Variants in CDC42BPA observed in about 807,000 individuals in gnomAD.
The protein encoded by CDC42BPA is serine/threonine-protein kinase MRCK alpha.
A neutral mutation model predicts 223.5 loss-of-function variants in CDC42BPA; 80 were observed. The ratio of observed to expected loss-of-function variants is 0.36; its 90% CI spans 0.30 to 0.43. The LOEUF (loss-of-function observed/expected upper bound fraction) is 0.43. Among genes scored for constraint, CDC42BPA ranks in the 20% least tolerant of loss-of-function variants. The probability of loss-of-function intolerance (pLI) is 1.00; values close to 1 mark genes in which losing one functional copy is unlikely to be tolerated. For synonymous variants in CDC42BPA, 694 were observed against 718.6 expected (o/e 0.97, Z 0.55); for missense variants, 1,743 against 2,099.9 (o/e 0.83, Z 3.32).
At chr1:227,307,123 T>C (rs1692692193) in intron 1 of CDC42BPA, among the ~76,000 whole-genome samples, 2 of 152,218 alleles carry the variant, frequency 1.3e-5, no homozygotes, top group Admixed American at 1.3e-4. Flanking sequence ...ATCACTAGCT[T>C]AGCAGGTGCA....
intron 1 of CDC42BPA, among the ~76,000 whole-genome samples, chr1:227,315,877 ATAAT>A (rs1465770107): frequency 2.0e-5 from 3 of 151,662 alleles, no homozygotes; most frequent in African/African-American, 7.3e-5. Context: ...GGCAAATTGA[ATAAT>A]TAAAGTTATT....
intron 5 of CDC42BPA, among the ~76,000 whole-genome samples, chr1:227,164,998 AC>A (rs934999286): frequency 1.7e-4 from 26 of 152,186 alleles, no homozygotes; most frequent in African/African-American, 6.3e-4. Flanking sequence ...TAAGAATGTA[AC>A]AACTGACAAA....
intron 2 of CDC42BPA, among the ~76,000 whole-genome samples, chr1:227,240,979 C>G (rs1009551517): frequency 6.6e-6 from 1 of 152,070 alleles, no homozygotes; most frequent in East Asian, 1.9e-4. Flanking sequence ...GCTAAAACAT[C>G]TGACAAAGAA....
intron 22 of CDC42BPA, among the ~76,000 whole-genome samples, chr1:227,050,354 C>T (rs1673304374): frequency 6.6e-6 from 1 of 152,140 alleles, no homozygotes; most frequent in Admixed American, 6.6e-5. Flanking sequence ...CTCACACACA[C>T]TGCTGGGGGA....
At chr1:227,134,026 A>G (rs1273338213) in intron 10 of CDC42BPA, among the ~76,000 whole-genome samples, 2 of 152,172 alleles carry the variant, frequency 1.3e-5, no homozygotes, top group African/African-American at 2.4e-5. Context: ...ACACTTTGTC[A>G]TTATCAATAA....
intron 34 of CDC42BPA, among the ~76,000 whole-genome samples, chr1:227,011,956 C>T (rs1343136770): frequency 2.0e-5 from 3 of 152,080 alleles, no homozygotes; most frequent in Non-Finnish European, 2.9e-5. Flanking sequence ...ATGGAATTCA[C>T]GTTCCCATGA....
rs1667709350 is a variant in CDC42BPA at position 227,023,245 on chromosome 1, A to C, written c.4615+18T>G. On this transcript the variant is annotated intron_variant, in intron 32 of 36. Transcript: ENST00000366766. ...ATTTCCAATGAAGCTATCCCTATGA[A>C]TATATGTATTTTCTTACCTGCCATC... The C allele has an allele frequency of 9.0e-7, 1 of 1,114,768 alleles. No individual in the cohort carries two copies. The highest frequency in any genetic ancestry group is 1.3e-6 in the Non-Finnish European group (1 of 743,224). 69.1% of individuals were successfully genotyped at this position (1,114,768 alleles called of 1,614,324 possible).
At position 227,294,626 on chromosome 1, in the gene CDC42BPA, C is replaced by A. The variant is rs1265481717; in HGVS notation, c.178+22379G>T. On this transcript the variant is annotated intron_variant, in intron 1 of 36. Transcript: ENST00000366766. ...CTGTAATCCCAGCACTTTGGGAGGC[C>A]GAGGCGGGCGGATCACGAGGTCAGG... Among the ~76,000 whole-genome samples, 2 of 72,934 alleles carry A rather than the reference C, an allele frequency of 2.7e-5. 1 individual carries two copies. The highest frequency in any genetic ancestry group is 7.7e-4 in the South Asian group (2 of 2,604). The allele number at this position is 72,934 out of a possible 152,430, so 47.8% of individuals were successfully genotyped here.
In CDC42BPA at chr1:227,005,395, T is replaced by C. The variant is rs552296824; in HGVS notation, c.4858-284A>G. 6.6e-5 allele frequency among the ~76,000 whole-genome samples: 10 copies of C among 152,344 alleles called. No individual in the cohort carries two copies. In the East Asian group the frequency reaches 1.9e-3, roughly 29 times the overall value. On this transcript the variant is annotated intron_variant, in intron 34 of 36. Coordinates refer to ENST00000366766, the MANE Select transcript of CDC42BPA (RefSeq NM_001394014.1). ...TTGTAAACACAGTAAGTAAAAGCTA[T>C]ATGGTTAGATGTGACAGTGAATTGT...
At chr1:227,316,920 T>C in intron 1 of CDC42BPA, 85 bp downstream of exon 1, 1 of 953,242 alleles carries the variant, frequency 1.0e-6, no homozygotes, top group Admixed American at 2.6e-5. Flanking sequence ...TTGAACGGAG[T>C]AGAGTTTACT....
chr1:227,119,592 G>C (rs1435480996), intron 12 of CDC42BPA, among the ~76,000 whole-genome samples: 1 of 151,896 alleles, frequency 6.6e-6, no homozygotes, highest in Non-Finnish European at 1.5e-5. Flanking sequence ...AAGAACAAAA[G>C]ATTCTGAACT....
chr1:227,189,052 A>G (rs1237448358), intron 5 of CDC42BPA, among the ~76,000 whole-genome samples: 2 of 152,150 alleles, frequency 1.3e-5, no homozygotes, highest in Non-Finnish European at 2.9e-5. Flanking sequence ...TAAAAAGTAT[A>G]TATGAAAAGG....
chr1:227,131,999 C>T (rs1381967873), intron 10 of CDC42BPA, among the ~76,000 whole-genome samples: 1 of 152,168 alleles, frequency 6.6e-6, no homozygotes, highest in Non-Finnish European at 1.5e-5. Context: ...GAGACTGCTA[C>T]AAGCATTTAA....
chr1:227,144,034 T>A (rs140416441), intron 8 of CDC42BPA, among the ~76,000 whole-genome samples: 96 of 152,346 alleles, frequency 6.3e-4, no homozygotes, highest in African/African-American at 2.2e-3. Context: ...GAAATTTTTA[T>A]CTGCCTTGAA....
chr1:227,012,900 T>C (rs1036070552), intron 34 of CDC42BPA, among the ~76,000 whole-genome samples: 4 of 152,152 alleles, frequency 2.6e-5, no homozygotes. Context: ...GAGATAAAGA[T>C]GGTTCCGGGC....
chr1:227,200,142 T>G (rs1418504431), intron 3 of CDC42BPA, among the ~76,000 whole-genome samples: 1 of 151,630 alleles, frequency 6.6e-6, no homozygotes, highest in Non-Finnish European at 1.5e-5. Context: ...TTTTGAAAAT[T>G]TTCATGGGCC....
intron 1 of CDC42BPA, among the ~76,000 whole-genome samples, chr1:227,256,308 C>A (rs1683014005): frequency 6.6e-6 from 1 of 152,028 alleles, no homozygotes; most frequent in South Asian, 2.1e-4. Flanking sequence ...ACATCACACA[C>A]TGGGGCCTGT....
At chr1:227,011,050 TA>T in intron 34 of CDC42BPA, 1 of 1,343,554 alleles carries the variant, frequency 7.4e-7, no homozygotes, top group Non-Finnish European at 9.9e-7. Context: ...AGGGGATGGA[TA>T]AGGGAAACCT....
intron 2 of CDC42BPA, among the ~76,000 whole-genome samples, chr1:227,250,942 A>AC (rs1459399687): frequency 6.6e-6 from 1 of 152,020 alleles, no homozygotes; most frequent in Non-Finnish European, 1.5e-5. Flanking sequence ...AGTCTTAGCT[A>AC]CCCAGGATGC....
Sources: allele counts gnomAD v4.1 joint callset (sites outside exome capture counted in the v4.1 genomes callset), GRCh38; gene constraint gnomAD v4.1.1; transcripts MANE v1.5; gene names NCBI Gene and HGNC (gene_info 2026-07-23, HGNC 2026-07-21).